Variants in POU2F1 observed in about 807,000 individuals in gnomAD.
POU2F1 encodes POU class 2 homeobox 1, also known as POU domain, class 2, transcription factor 1.
In POU2F1, 16 loss-of-function variants were observed where a neutral mutation model predicts 84.9. The ratio of observed to expected loss-of-function variants is 0.19; its 90% confidence interval spans 0.13 to 0.29. The LOEUF is 0.29. Among genes scored for constraint, POU2F1 ranks in the 10% least tolerant of loss-of-function variants. The pLI, the probability that POU2F1 is intolerant of heterozygous loss-of-function variation, is 1.00. For missense variants in POU2F1, 738 were observed against 942.6 expected (o/e 0.78, Z 2.84); for synonymous variants, 368 against 368.3 (o/e 1.00, Z 0.01).
chr1:167,310,205 T>G (rs1655360741), intron 1 of POU2F1, among the ~76,000 whole-genome samples: 1 of 151,684 alleles, frequency 6.6e-6, no homozygotes, highest in African/African-American at 2.4e-5. Flanking sequence ...GAAAGGGGAA[T>G]AAAGAAATTG....
chr1:167,281,884 TCTC>T (rs992294412), intron 1 of POU2F1, among the ~76,000 whole-genome samples: 2 of 152,148 alleles, frequency 1.3e-5, no homozygotes, highest in Non-Finnish European at 2.9e-5. Flanking sequence ...AACTCATTCT[TCTC>T]CCTTTCAGGC....
intron 8 of POU2F1, among the ~76,000 whole-genome samples, chr1:167,384,873 A>G (rs909629010): frequency 1.3e-5 from 2 of 152,138 alleles, no homozygotes; most frequent in African/African-American, 4.8e-5. Flanking sequence ...AAAATAAAAT[A>G]TTAATAAATG....
rs140776192 is a variant in POU2F1 at position 167,295,230 on chromosome 1, C to G, written c.62-37240C>G. On this transcript the variant is annotated intron_variant, in intron 1 of 15. Coordinates refer to ENST00000367866, the MANE Select transcript of POU2F1 (RefSeq NM_002697.4). The stretch of plus-strand genomic sequence containing the variant: ...TATATGAAAAAGACGCCTACACATG[C>G]ATGTTTATTGCAGCCCAATTCACAG... 4.2e-3 allele frequency among the ~76,000 whole-genome samples: 641 copies of G among 152,200 alleles called. 11 individuals are homozygous for G. Among genetic ancestry groups the G allele is most frequent in the African/African-American group, 0.015 (620 of 41,524 alleles).
chr1:167,369,114 G>C (rs1358994924), intron 3 of POU2F1, among the ~76,000 whole-genome samples: 2 of 152,000 alleles, frequency 1.3e-5, no homozygotes, highest in Non-Finnish European at 2.9e-5. Flanking sequence ...TCCCTCCTCA[G>C]TCTTTCTTTG....
At chr1:167,288,834 G>A (rs577278812) in intron 1 of POU2F1, among the ~76,000 whole-genome samples, 59 of 152,172 alleles carry the variant, frequency 3.9e-4, no homozygotes, top group South Asian at 1.0e-3. Context: ...TAGAATTTCC[G>A]TTCAAAATGT....
intron 2 of POU2F1, among the ~76,000 whole-genome samples, chr1:167,336,439 T>C (rs1034222063): frequency 6.6e-6 from 1 of 152,206 alleles, no homozygotes; most frequent in Non-Finnish European, 1.5e-5. Flanking sequence ...TCCTGTTTAG[T>C]GCAATAACCT....
chr1:167,224,977 C>T (rs1208357540), intron 1 of POU2F1, among the ~76,000 whole-genome samples: 3 of 152,114 alleles, frequency 2.0e-5, no homozygotes, highest in East Asian at 1.9e-4. Context: ...TACAGGCATG[C>T]GCCATGACGC....
At chr1:167,267,524 C>T (rs78367095) in intron 1 of POU2F1, among the ~76,000 whole-genome samples, 3 of 151,360 alleles carry the variant, frequency 2.0e-5, no homozygotes, top group Non-Finnish European at 2.9e-5. Context: ...TAATAAATAC[C>T]TAAAATTGGC....
At chr1:167,372,770 A>G (rs1660090566) in intron 5 of POU2F1, among the ~76,000 whole-genome samples, 1 of 152,222 alleles carries the variant, frequency 6.6e-6, no homozygotes, top group Admixed American at 6.5e-5. Context: ...TTAAGTTTTC[A>G]GCTGTCTTTT....
chr1:167,283,511 A>G (rs1053418664), intron 1 of POU2F1, among the ~76,000 whole-genome samples: 1 of 152,222 alleles, frequency 6.6e-6, no homozygotes, highest in African/African-American at 2.4e-5. Context: ...ATAAATGACT[A>G]GGATAAGAAG....
At chr1:167,228,579 C>T (rs1648815894) in intron 1 of POU2F1, among the ~76,000 whole-genome samples, 1 of 152,164 alleles carries the variant, frequency 6.6e-6, no homozygotes, top group Admixed American at 6.5e-5. Flanking sequence ...ACTGAATTGT[C>T]TAATTGACTT....
chr1:167,384,353 A>G (rs945229585), intron 8 of POU2F1, among the ~76,000 whole-genome samples: 3 of 152,026 alleles, frequency 2.0e-5, no homozygotes, highest in Admixed American at 2.0e-4. Flanking sequence ...TTTTTTCTCA[A>G]TGCTTTTATG....
intron 1 of POU2F1, among the ~76,000 whole-genome samples, chr1:167,268,159 T>G (rs1477100637): frequency 6.6e-6 from 1 of 152,156 alleles, no homozygotes; most frequent in Non-Finnish European, 1.5e-5. Flanking sequence ...TTACTATTAT[T>G]TCAAGAAATA....
At chr1:167,357,461 G>C (rs1373114535) in intron 2 of POU2F1, 1 of 143,694 alleles carries the variant, frequency 7.0e-6, no homozygotes, top group African/African-American at 2.6e-5. Context: ...GCTCACTGCG[G>C]CCTCAACCTT....
rs960628099 is a variant in POU2F1, at chr1:167,331,358, T to G, written c.62-1112T>G. Among the ~76,000 whole-genome samples the G allele has an allele frequency of 2.6e-5, 4 of 152,200 alleles. No homozygotes were observed. In the East Asian group the frequency reaches 7.7e-4, roughly 29 times the overall value. On this transcript the variant is annotated intron_variant, in intron 1 of 15. Transcript: ENST00000367866. ...AAAGAACATGGTTGAGAATTCTGTC[T>G]AGTGATTGTTTTGATTTTCTAGTTA...
intron 1 of POU2F1, among the ~76,000 whole-genome samples, chr1:167,316,489 C>T (rs1376144872): frequency 6.6e-6 from 1 of 152,068 alleles, no homozygotes; most frequent in Non-Finnish European, 1.5e-5. Flanking sequence ...TTTCACGAAA[C>T]AATACAGGGA....
Position 167,280,731 on chromosome 1 carries a change from T to A in POU2F1, c.62-51739T>A, listed in dbSNP as rs555291604. Among the ~76,000 whole-genome samples, 6 of 152,328 alleles carry A rather than the reference T, an allele frequency of 3.9e-5. No homozygotes were observed. The South Asian group carries it at 1.2e-3, about 32-fold the overall frequency. ...ATGGTCTTTGAATAGTCTCATTTTT[T>A]AAAAAGTCCTAAGCATAAAAAGTAA... On this transcript the variant is annotated intron_variant, in intron 1 of 15. Coordinates refer to ENST00000367866, the MANE Select transcript of POU2F1 (RefSeq NM_002697.4).
chr1:167,415,941 G>C lies in POU2F1; in HGVS notation c.*131G>C. On this transcript the variant is annotated 3_prime_UTR_variant, in exon 16 of 16. Transcript: ENST00000367866. The stretch of plus-strand genomic sequence containing the variant: ...TTGTGAGGGCAAAGGAGAGAAGGGA[G>C]AAAAAAAAAAAAAAACCACACACAC... 2.8e-5 allele frequency: 12 copies of C among 434,202 alleles called. No individual in the cohort carries two copies. The highest frequency in any genetic ancestry group is 5.3e-5 in the African/African-American group (2 of 37,520). The allele number at this position is 434,202 out of a possible 1,614,324, so 26.9% of individuals were successfully genotyped here.
At chr1:167,349,561 A>G (rs577146850) in intron 2 of POU2F1, among the ~76,000 whole-genome samples, 1 of 152,328 alleles carries the variant, frequency 6.6e-6, no homozygotes, top group East Asian at 1.9e-4. Context: ...CTTGCTATAC[A>G]GTATATGCTC....
Sources: allele counts gnomAD v4.1 joint callset (sites outside exome capture counted in the v4.1 genomes callset), GRCh38; gene constraint gnomAD v4.1.1; transcripts MANE v1.5; gene names NCBI Gene and HGNC (gene_info 2026-07-23, HGNC 2026-07-21).